The following TAS2R1 variants were observed in gnomAD, a reference collection of about 807,000 sequenced individuals.
TAS2R1 encodes the protein taste 2 receptor member 1.
For synonymous variants in TAS2R1, 141 were observed against 134.2 expected (o/e 1.05, Z -0.35); for missense variants, 370 against 353.4 (o/e 1.05, Z -0.38).
the TAS2R1 span, among the ~76,000 whole-genome samples, chr5:9,829,868 A>G: frequency 6.6e-6 from 1 of 152,152 alleles, no homozygotes; most frequent in Non-Finnish European, 1.5e-5. Flanking sequence ...GAAAAAAAAG[A>G]GGCTGAGACA....
the TAS2R1 span, among the ~76,000 whole-genome samples, chr5:9,722,896 A>G: frequency 6.6e-6 from 1 of 152,192 alleles, no homozygotes; most frequent in South Asian, 2.1e-4. Context: ...TACTGCTTAC[A>G]TGGAAGTGGT....
chr5:9,718,562 A>G, the TAS2R1 span, among the ~76,000 whole-genome samples: 1 of 152,138 alleles, frequency 6.6e-6, no homozygotes, highest in Non-Finnish European at 1.5e-5. Flanking sequence ...CAAAGACAGG[A>G]AGACTGCTTG....
At chr5:9,890,214 C>T in the TAS2R1 span, among the ~76,000 whole-genome samples, 1 of 152,260 alleles carries the variant, frequency 6.6e-6, no homozygotes, top group Admixed American at 6.5e-5. Flanking sequence ...AAAAAGAAAC[C>T]AGAACCTTTG....
chr5:9,695,352 T>C (rs1456641455), intron 1 of TAS2R1, among the ~76,000 whole-genome samples: 1 of 152,162 alleles, frequency 6.6e-6, no homozygotes, highest in East Asian at 1.9e-4. Context: ...CAAAAAAATC[T>C]TGGATGAAGT....
chr5:9,825,832 T>G, the TAS2R1 span, among the ~76,000 whole-genome samples: 1 of 152,214 alleles, frequency 6.6e-6, no homozygotes, highest in African/African-American at 2.4e-5. Context: ...CTATTTTTTT[T>G]GTATATTCAT....
chr5:9,869,274 G>A, the TAS2R1 span, among the ~76,000 whole-genome samples: 617 of 152,292 alleles, frequency 4.1e-3, 3 homozygotes, highest in African/African-American at 0.014. Context: ...AATTTATAAA[G>A]GAAAGAGATT....
the TAS2R1 span, among the ~76,000 whole-genome samples, chr5:9,883,164 G>T: frequency 6.6e-6 from 1 of 152,162 alleles, no homozygotes; most frequent in Non-Finnish European, 1.5e-5. Flanking sequence ...TTATAAGTGG[G>T]AGCTGAACAA....
chr5:9,728,606 T>A, the TAS2R1 span, among the ~76,000 whole-genome samples: 1 of 152,190 alleles, frequency 6.6e-6, no homozygotes, highest in Non-Finnish European at 1.5e-5. Context: ...GCCTATTTCA[T>A]GTGGATGTAA....
chr5:9,856,373 A>G, the TAS2R1 span, among the ~76,000 whole-genome samples: 8 of 152,184 alleles, frequency 5.3e-5, no homozygotes, highest in Non-Finnish European at 8.8e-5. Context: ...GGCTCTCCTT[A>G]TATTAAGCAA....
At chr5:9,737,421 A>C in the TAS2R1 span, among the ~76,000 whole-genome samples, 2 of 152,206 alleles carry the variant, frequency 1.3e-5, no homozygotes, top group Non-Finnish European at 2.9e-5. Context: ...CAATTATAAC[A>C]ATGTCATAAA....
At chr5:9,768,425 C>T in the TAS2R1 span, among the ~76,000 whole-genome samples, 39,118 of 152,148 alleles carry the variant, frequency 0.26, 5,475 homozygotes, top group Middle Eastern at 0.42. Flanking sequence ...TCAACTCACA[C>T]TCAACATGTC....
chr5:9,749,946 A>T, the TAS2R1 span, among the ~76,000 whole-genome samples: 3 of 152,160 alleles, frequency 2.0e-5, no homozygotes, highest in East Asian at 3.9e-4. Context: ...GAGAGTTTCC[A>T]TGCTGGACAT....
chr5:9,801,054 T>G, the TAS2R1 span, among the ~76,000 whole-genome samples: 1 of 152,152 alleles, frequency 6.6e-6, no homozygotes, highest in Non-Finnish European at 1.5e-5. Context: ...TAGGCTGGCA[T>G]GGTGGCAGGA....
At chr5:9,807,921 G>T in the TAS2R1 span, among the ~76,000 whole-genome samples, 1 of 106,012 alleles carries the variant, frequency 9.4e-6, no homozygotes, top group East Asian at 3.1e-4. Flanking sequence ...TTAAAATGAA[G>T]TTTTATTAGA....
At chr5:9,666,329 C>T (rs1355178762) in intron 1 of TAS2R1, among the ~76,000 whole-genome samples, 1 of 152,140 alleles carries the variant, frequency 6.6e-6, no homozygotes, top group Non-Finnish European at 1.5e-5. Context: ...ACAATAGATG[C>T]TGGGTCTGAT....
At chr5:9,831,291 A>C in the TAS2R1 span, among the ~76,000 whole-genome samples, 1 of 152,184 alleles carries the variant, frequency 6.6e-6, no homozygotes, top group Non-Finnish European at 1.5e-5. Flanking sequence ...TCATGAGGAA[A>C]TACTGATAAT....
chr5:9,782,671 G>C, the TAS2R1 span, among the ~76,000 whole-genome samples: 1 of 152,176 alleles, frequency 6.6e-6, no homozygotes, highest in Non-Finnish European at 1.5e-5. Context: ...CAAACTAAGA[G>C]TCGTGCATGC....
At chr5:9,762,467 A>G in the TAS2R1 span, among the ~76,000 whole-genome samples, 4 of 152,220 alleles carry the variant, frequency 2.6e-5, no homozygotes, top group Non-Finnish European at 5.9e-5. Context: ...AAAATGTATC[A>G]CTGGTAATGT....
the TAS2R1 span, among the ~76,000 whole-genome samples, chr5:9,752,113 A>C: frequency 6.6e-6 from 1 of 152,224 alleles, no homozygotes; most frequent in Non-Finnish European, 1.5e-5. Context: ...ACAGGCATAC[A>C]TCAGAGATCA....
Sources: allele counts gnomAD v4.1 joint callset (sites outside exome capture counted in the v4.1 genomes callset), GRCh38; gene constraint gnomAD v4.1.1; transcripts MANE v1.5; gene names NCBI Gene and HGNC (gene_info 2026-07-23, HGNC 2026-07-21).